PTPRD: variants seen among roughly 807,000 people sequenced by gnomAD.
PTPRD encodes protein tyrosine phosphatase receptor type D, also known as receptor-type tyrosine-protein phosphatase delta.
PTPRD carries 34 observed loss-of-function variants against 214.5 expected under a neutral mutation model. That is an observed-to-expected ratio of 0.16 (90% confidence interval 0.12 to 0.21). The LOEUF (loss-of-function observed/expected upper bound fraction) is 0.21, where lower values mean the gene tolerates loss of function less well. Ranked by LOEUF, PTPRD falls within the 10% of genes least tolerant of loss-of-function variation. The probability of loss-of-function intolerance (pLI) is 1.00; values close to 1 mark genes in which losing one functional copy is unlikely to be tolerated. For missense variants in PTPRD, 2,545 were observed against 2,398.7 expected, an observed-to-expected ratio of 1.06 and a Z score of -1.27; for synonymous variants, 1,128 against 845.7, an observed-to-expected ratio of 1.33 and a Z score of -5.79.
At chr9:9,656,615 G>C (rs181104742) in intron 7 of PTPRD, among the ~76,000 whole-genome samples, 129 of 152,254 alleles carry the variant, frequency 8.5e-4, no homozygotes, top group African/African-American at 3.0e-3. Flanking sequence ...TGCCAGGTTA[G>C]GGAGCAGTGC....
intron 39 of PTPRD, among the ~76,000 whole-genome samples, chr9:8,364,106 T>C (rs1193171876): frequency 2.6e-5 from 4 of 152,208 alleles, no homozygotes; most frequent in South Asian, 2.1e-4. Context: ...TGTGAGTGTG[T>C]GAAAGAAATA....
intron 9 of PTPRD, among the ~76,000 whole-genome samples, chr9:9,353,089 T>C (rs2052109341): frequency 6.6e-6 from 1 of 151,926 alleles, no homozygotes; most frequent in East Asian, 1.9e-4. Context: ...GCCAAAACAA[T>C]GCTATTCAAT....
At chr9:9,991,663 G>T (rs1332543406) in intron 4 of PTPRD, among the ~76,000 whole-genome samples, 1 of 152,120 alleles carries the variant, frequency 6.6e-6, no homozygotes, top group Non-Finnish European at 1.5e-5. Flanking sequence ...GCCCGGCCCA[G>T]CCCAAAATAT....
rs1235982307 is a variant in PTPRD, at chr9:10,033,797, G to A, written c.-544-7C>T. 2.0e-5 allele frequency: 3 copies of A among 152,170 alleles called. No homozygotes were observed. The Middle Eastern group carries it at 0.01, about 518-fold the overall frequency. 9.4% of individuals were successfully genotyped at this position (152,170 alleles called of 1,614,324 possible). ...CAGACTCCTCAAGATTTCCCTGAAA[G>A]GAAAAGTGAGAGATCGCTTTAATTC... On this transcript the variant is annotated splice_region_variant and splice_polypyrimidine_tract_variant and intron_variant, in intron 3 of 45. Transcript: ENST00000381196.
intron 8 of PTPRD, among the ~76,000 whole-genome samples, chr9:9,534,750 T>C (rs1431546566): frequency 6.6e-6 from 1 of 152,052 alleles, no homozygotes; most frequent in African/African-American, 2.4e-5. Context: ...GGAATCATTG[T>C]ACATAGTCAT....
intron 8 of PTPRD, among the ~76,000 whole-genome samples, chr9:9,553,971 G>C (rs933941888): frequency 1.3e-5 from 2 of 151,962 alleles, no homozygotes; most frequent in African/African-American, 4.8e-5. Context: ...TACAGATTCT[G>C]GGTATTTTAA....
In PTPRD at chr9:8,486,229, T is replaced by C. The variant is rs1239922823; in HGVS notation, c.2588A>G (p.Lys863Arg). Residue 863 changes from lysine (K) to arginine (R), a missense_variant, in exon 28 of 46, where the codon AAG (lysine) becomes AGG (arginine). Transcript: ENST00000381196. ...AAGAGTAGTAAGTGGCTCCATATCCTTGCGGCCAAATTTTAGACGGTAGCC... is the reference window on the plus strand; with the variant it reads ...AAGAGTAGTAAGTGGCTCCATATCCCTGCGGCCAAATTTTAGACGGTAGCC... ...LQGYRLKFGR[K>R]DMEPLTTLEF... The C allele has an allele frequency of 6.2e-7, 1 of 1,614,222 alleles. No homozygotes were observed. Among genetic ancestry groups the C allele is most frequent in the Non-Finnish European group, 8.5e-7 (1 of 1,180,022 alleles).
chr9:9,898,027 T>C (rs1311889929), intron 5 of PTPRD, among the ~76,000 whole-genome samples: 1 of 152,148 alleles, frequency 6.6e-6, no homozygotes, highest in Non-Finnish European at 1.5e-5. Flanking sequence ...GTGCACAAGC[T>C]GTAGTTTGCT....
At chr9:10,598,857 G>T (rs2133264357) in intron 2 of PTPRD, among the ~76,000 whole-genome samples, 1 of 151,592 alleles carries the variant, frequency 6.6e-6, no homozygotes, top group South Asian at 2.1e-4. Context: ...AAGAAAGGAA[G>T]AGAAAGAATG....
intron 9 of PTPRD, among the ~76,000 whole-genome samples, chr9:9,225,613 C>G (rs2099958945): frequency 6.6e-6 from 1 of 152,046 alleles, no homozygotes; most frequent in South Asian, 2.1e-4. Flanking sequence ...ATTGAGACAT[C>G]ACTAGCTGAG....
At chr9:9,908,747 G>A (rs2078332563) in intron 5 of PTPRD, among the ~76,000 whole-genome samples, 1 of 151,940 alleles carries the variant, frequency 6.6e-6, no homozygotes, top group African/African-American at 2.4e-5. Flanking sequence ...TTTCAGGAGT[G>A]ATGAACAAAC....
intron 11 of PTPRD, among the ~76,000 whole-genome samples, chr9:8,986,946 T>C (rs1337697562): frequency 6.6e-6 from 1 of 152,082 alleles, no homozygotes; most frequent in East Asian, 1.9e-4. Flanking sequence ...AATATTTTTA[T>C]GTGTGTATTA....
intron 4 of PTPRD, among the ~76,000 whole-genome samples, chr9:10,030,169 G>A (rs1226246377): frequency 2.0e-5 from 3 of 152,102 alleles, no homozygotes; most frequent in Non-Finnish European, 4.4e-5. Context: ...ACAGTCACAG[G>A]TATGTCTTTA....
chr9:9,592,862 T>A (rs1410345856), intron 7 of PTPRD, among the ~76,000 whole-genome samples: 1 of 151,976 alleles, frequency 6.6e-6, no homozygotes, highest in Non-Finnish European at 1.5e-5. Flanking sequence ...CTGGCCGACA[T>A]GGTGAAACCT....
At chr9:9,190,872 G>A (rs1378823502) in intron 9 of PTPRD, among the ~76,000 whole-genome samples, 1 of 152,012 alleles carries the variant, frequency 6.6e-6, no homozygotes, top group African/African-American at 2.4e-5. Context: ...TAATTAATGG[G>A]ATGAGACTTT....
intron 7 of PTPRD, among the ~76,000 whole-genome samples, chr9:9,598,640 T>A (rs1004722472): frequency 6.6e-6 from 1 of 152,026 alleles, no homozygotes; most frequent in African/African-American, 2.4e-5. Flanking sequence ...AGTCTTACAA[T>A]TTTTTTGTTA....
chr9:10,162,456 T>C (rs1360207047), intron 3 of PTPRD, among the ~76,000 whole-genome samples: 1 of 150,908 alleles, frequency 6.6e-6, no homozygotes, highest in Non-Finnish European at 1.5e-5. Flanking sequence ...GCAAGACATA[T>C]ATCACATATT....
In PTPRD at chr9:8,776,466, T is replaced by C. The variant is rs2095478934; in HGVS notation, c.-103-42520A>G. Among the ~76,000 whole-genome samples the C allele has an allele frequency of 2.0e-5, 3 of 152,126 alleles. No homozygotes were observed. The South Asian group carries it at 6.2e-4, about 32-fold the overall frequency. On this transcript the variant is annotated intron_variant, in intron 11 of 45. Coordinates refer to ENST00000381196, the MANE Select transcript of PTPRD (RefSeq NM_002839.4). ...ACAGGTGCACACTACAATGTCCAGCTAATTTTTGGTTAGTAAAGATGGGAT... is the reference window on the plus strand; with the variant it reads ...ACAGGTGCACACTACAATGTCCAGCCAATTTTTGGTTAGTAAAGATGGGAT...
intron 2 of PTPRD, among the ~76,000 whole-genome samples, chr9:10,505,875 T>C (rs1046451716): frequency 9.7e-5 from 2 of 20,564 alleles, no homozygotes; most frequent in South Asian, 2.7e-3. Flanking sequence ...TAAGCAATAT[T>C]TTAATTAGAT....
Sources: gnomAD v4.1 joint callset for allele counts (sites outside exome capture counted in the v4.1 genomes callset) on GRCh38, gnomAD v4.1.1 for gene constraint, MANE v1.5 for transcripts, NCBI Gene and HGNC (gene_info 2026-07-23, HGNC 2026-07-21) for gene names.